CECR2: variants seen among roughly 807,000 people sequenced by gnomAD.
CECR2 encodes chromatin remodeling regulator CECR2.
CECR2 carries 30 observed loss-of-function variants against 154.5 expected under a neutral mutation model. The ratio of observed to expected loss-of-function variants is 0.19; its 90% CI spans 0.15 to 0.26. The LOEUF is 0.26. CECR2 is among the 10% of genes least tolerant of loss of function. The probability of loss-of-function intolerance (pLI) is 1.00; values close to 1 mark genes in which losing one functional copy is unlikely to be tolerated. For synonymous variants in CECR2, 725 were observed against 683.7 expected, an observed-to-expected ratio of 1.06 and a Z score of -0.94; for missense variants, 1,743 against 1,829.3, an observed-to-expected ratio of 0.95 and a Z score of 0.86.
intron 8 of CECR2, among the ~76,000 whole-genome samples, chr22:17,523,591 G>GT (rs1412575720): frequency 1.3e-5 from 2 of 150,656 alleles, no homozygotes; most frequent in Non-Finnish European, 3.0e-5. Flanking sequence ...CCCATCTCAA[G>GT]TGAAAATACA....
intron 1 of CECR2, among the ~76,000 whole-genome samples, chr22:17,442,339 G>A (rs1022454686): frequency 6.6e-6 from 1 of 152,184 alleles, no homozygotes; most frequent in Admixed American, 6.5e-5. Flanking sequence ...CAAGATGGGA[G>A]AGGATAGCTT....
intron 2 of CECR2, among the ~76,000 whole-genome samples, chr22:17,494,124 C>T (rs1233449489): frequency 6.6e-6 from 1 of 152,148 alleles, no homozygotes; most frequent in African/African-American, 2.4e-5. Flanking sequence ...TTGGAGACGG[C>T]GTTTCTTCTT....
intron 1 of CECR2, among the ~76,000 whole-genome samples, chr22:17,468,013 T>C (rs1046356981): frequency 6.6e-6 from 1 of 152,234 alleles, no homozygotes; most frequent in South Asian, 2.1e-4. Context: ...TAGGTCCTTC[T>C]TGGTAGAAGG....
At position 17,409,966 on chromosome 22, in the gene CECR2, A is replaced by G. The variant is rs1229317478; in HGVS notation, c.126+40057A>G. On this transcript the variant is annotated intron_variant, in intron 1 of 18. Coordinates refer to ENST00000262608, the MANE Select transcript of CECR2 (RefSeq NM_001290047.2). Reference sequence around the variant, plus strand: ...ATATTCAATCAAGTGTTTGCTGTCTATTTATTTATTTATTTATTTATTTAT... The same window carrying G: ...ATATTCAATCAAGTGTTTGCTGTCTGTTTATTTATTTATTTATTTATTTAT... Among the ~76,000 whole-genome samples the G allele has an allele frequency of 5.1e-5, 5 of 97,634 alleles. 1 individual carries two copies. The highest frequency in any genetic ancestry group is 4.3e-4 in the Admixed American group (4 of 9,332). 64.1% of individuals were successfully genotyped at this position (97,634 alleles called of 152,430 possible). A position where few individuals can be genotyped will look rare whatever the true frequency, so the allele number is the denominator to read the frequency against.
At chr22:17,536,523 C>T (rs2056439640) in intron 9 of CECR2, among the ~76,000 whole-genome samples, 1 of 152,224 alleles carries the variant, frequency 6.6e-6, no homozygotes, top group South Asian at 2.1e-4. Flanking sequence ...TCCCCTCTTC[C>T]CAGCCAAAAT....
chr22:17,417,048 C>G (rs961608888), intron 1 of CECR2, among the ~76,000 whole-genome samples: 37 of 144,882 alleles, frequency 2.6e-4, no homozygotes, highest in African/African-American at 9.5e-4. Flanking sequence ...GACAAAGGGA[C>G]TTTAAAAAAA....
rs73157564 is a variant in CECR2, at chr22:17,477,480, C to G, written c.127-108C>G. The G allele has an allele frequency of 1.0e-3, 776 of 747,466 alleles. 1 individual carries two copies. The highest frequency in any genetic ancestry group is 1.4e-3 in the Non-Finnish European group (604 of 428,400). The allele number at this position is 747,466 out of a possible 1,614,324, so 46.3% of individuals were successfully genotyped here. A position where few individuals can be genotyped will look rare whatever the true frequency, so the allele number is the denominator to read the frequency against. Reference sequence around the variant, plus strand: ...AGAGCTGATCTCTGGCAAGTCCTTCCGCTGCTGGGACCATTCAGTTCTTGG... The same window carrying G: ...AGAGCTGATCTCTGGCAAGTCCTTCGGCTGCTGGGACCATTCAGTTCTTGG... On this transcript the variant is annotated intron_variant, in intron 1 of 18. Coordinates refer to ENST00000262608, the MANE Select transcript of CECR2 (RefSeq NM_001290047.2).
intron 8 of CECR2, among the ~76,000 whole-genome samples, chr22:17,523,417 CT>C (rs1372833808): frequency 1.3e-5 from 2 of 151,426 alleles, no homozygotes; most frequent in African/African-American, 4.9e-5. Flanking sequence ...GAGTGACTGT[CT>C]TTCATCCTAG....
rs1397187025 is a variant in CECR2, at chr22:17,479,214, A to G, written c.221+1532A>G. Among the ~76,000 whole-genome samples, 10 of 152,320 alleles carry G rather than the reference A, an allele frequency of 6.6e-5. No homozygotes were observed. In the East Asian group the frequency reaches 1.2e-3, roughly 18 times the overall value. On this transcript the variant is annotated intron_variant, in intron 2 of 18. Coordinates refer to ENST00000262608, the MANE Select transcript of CECR2 (RefSeq NM_001290047.2). ...CCATTTAAGATCTTCATTTTAAGCAAGGCTTAAAGGCTTTTGCCAGGTTTC... is the reference window on the plus strand; with the variant it reads ...CCATTTAAGATCTTCATTTTAAGCAGGGCTTAAAGGCTTTTGCCAGGTTTC...
chr22:17,400,477 CTCTT>C (rs1343247216), intron 1 of CECR2, among the ~76,000 whole-genome samples: 10 of 152,250 alleles, frequency 6.6e-5, no homozygotes, highest in Non-Finnish European at 1.2e-4. Flanking sequence ...CCTGCCAACT[CTCTT>C]TATCCTTAGG....
chr22:17,482,021 A>C (rs2055329617), intron 2 of CECR2, among the ~76,000 whole-genome samples: 1 of 146,490 alleles, frequency 6.8e-6, no homozygotes, highest in Non-Finnish European at 1.5e-5. Flanking sequence ...AGACTGAGGC[A>C]GGAGAATGGC....
intron 1 of CECR2, among the ~76,000 whole-genome samples, chr22:17,464,925 A>T (rs560085991): frequency 9.8e-4 from 149 of 152,254 alleles, no homozygotes; most frequent in African/African-American, 3.2e-3. Context: ...ACAATTTCTA[A>T]TTCACTTGAC....
chr22:17,366,843 C>T (rs550466835), upstream of CECR2, among the ~76,000 whole-genome samples: 1 of 152,278 alleles, frequency 6.6e-6, no homozygotes, highest in East Asian at 1.9e-4. Context: ...TTCCAAGACA[C>T]TTGAGACCCC....
intron 16 of CECR2, among the ~76,000 whole-genome samples, chr22:17,545,769 G>T (rs1032784435): frequency 6.6e-6 from 1 of 151,346 alleles, no homozygotes; most frequent in African/African-American, 2.4e-5. Flanking sequence ...CTTGAACCCG[G>T]GAGGCTGAGG....
chr22:17,366,157 A>G (rs1341121755), upstream of CECR2, among the ~76,000 whole-genome samples: 1 of 152,144 alleles, frequency 6.6e-6, no homozygotes, highest in Non-Finnish European at 1.5e-5. Flanking sequence ...AACAGCACGA[A>G]TGAGAAGGGG....
chr22:17,515,675 A>G (rs1346182392), intron 8 of CECR2, among the ~76,000 whole-genome samples: 2 of 144,928 alleles, frequency 1.4e-5, no homozygotes, highest in African/African-American at 2.6e-5. Context: ...TGCACTACCA[A>G]CCTTTTTTTT....
chr22:17,482,115 C>CAAAAAAAAAAAAAAAAAA (rs869050391), intron 2 of CECR2, among the ~76,000 whole-genome samples: 1 of 76,310 alleles, frequency 1.3e-5, no homozygotes, highest in African/African-American at 5.3e-5. Flanking sequence ...ACTCTGTCTC[C>CAAAAAAAAAAAAAAAAAA]AAAAAAAAAA....
intron 9 of CECR2, 31 bp from the exon 10 acceptor site, chr22:17,537,072 T>C: frequency 6.2e-7 from 1 of 1,612,330 alleles, no homozygotes; most frequent in Non-Finnish European, 8.5e-7. Flanking sequence ...TGGAGTGTGC[T>C]TAGCTCACTC....
rs2146430340 is a variant in CECR2, at chr22:17,369,567, G to C, written c.-217G>C. On this transcript the variant is annotated 5_prime_UTR_variant, in exon 1 of 19. Coordinates refer to ENST00000262608, the MANE Select transcript of CECR2 (RefSeq NM_001290047.2). ...GCGGACCCCGCGGGCAGCCGCAGCC[G>C]CAGCCGCCTCAGTAGTTCGGGCCCC... The C allele has an allele frequency of 6.8e-6, 1 of 147,976 alleles. No individual in the cohort carries two copies. The highest frequency in any genetic ancestry group is 2.0e-4 in the South Asian group (1 of 5,118). The allele number at this position is 147,976 out of a possible 1,614,324, so 9.2% of individuals were successfully genotyped here. A position where few individuals can be genotyped will look rare whatever the true frequency, so the allele number is the denominator to read the frequency against.
Sources: gnomAD v4.1 joint callset for allele counts (sites outside exome capture counted in the v4.1 genomes callset) on GRCh38, gnomAD v4.1.1 for gene constraint, MANE v1.5 for transcripts, NCBI Gene and HGNC (gene_info 2026-07-23, HGNC 2026-07-21) for gene names.